Variants in UBR2 observed in about 807,000 individuals in gnomAD.
UBR2 encodes the protein E3 ubiquitin-protein ligase UBR2.
A neutral mutation model predicts 247.9 loss-of-function variants in UBR2; 92 were observed. That is an observed-to-expected ratio of 0.37 (90% CI 0.31 to 0.44). The LOEUF (loss-of-function observed/expected upper bound fraction) is 0.44, where lower values mean the gene tolerates loss of function less well. UBR2 is among the 20% of genes least tolerant of loss of function. UBR2 has a pLI of 1.00. For missense variants in UBR2, 1,613 were observed against 2,112.6 expected, an observed-to-expected ratio of 0.76 and a Z score of 4.64; for synonymous variants, 672 against 693.5, an observed-to-expected ratio of 0.97 and a Z score of 0.49.
intron 36 of UBR2, among the ~76,000 whole-genome samples, chr6:42,671,208 T>C (rs62414656): frequency 7.1e-6 from 1 of 141,006 alleles, no homozygotes; most frequent in Non-Finnish European, 1.5e-5. Context: ...AAAAAAAAAT[T>C]GCAGCCTGGC....
intron 33 of UBR2, among the ~76,000 whole-genome samples, 188 bp downstream of exon 33, chr6:42,665,700 A>C (rs62414653): frequency 6.6e-6 from 1 of 152,074 alleles, no homozygotes. Flanking sequence ...ACACAAGCTC[A>C]TGTGAAGTTT....
intron 25 of UBR2, among the ~76,000 whole-genome samples, chr6:42,653,706 C>T (rs1391487618): frequency 6.7e-6 from 1 of 150,024 alleles, no homozygotes; most frequent in Non-Finnish European, 1.5e-5. Flanking sequence ...ACTTCTGCCT[C>T]CCGGGTTCAA....
At chr6:42,647,417 TAAAAAAAA>T (rs750938791) in intron 21 of UBR2, among the ~76,000 whole-genome samples, 5 of 102,168 alleles carry the variant, frequency 4.9e-5, no homozygotes, top group African/African-American at 7.2e-5. Flanking sequence ...CCATCGCTAC[TAAAAAAAA>T]AAAAAAAAAA....
chr6:42,647,417 TAAAAAAAAAAAA>T (rs750938791), intron 21 of UBR2, among the ~76,000 whole-genome samples: 1,231 of 102,170 alleles, frequency 0.012, 10 homozygotes, highest in Middle Eastern at 0.078. Flanking sequence ...CCATCGCTAC[TAAAAAAAAAAAA>T]AAAAAAAAAA....
Position 42,627,339 on chromosome 6 carries a change from G to C in UBR2, c.1282-5213G>C, listed in dbSNP as rs561187555. Among the ~76,000 whole-genome samples, 6 of 152,244 alleles carry C rather than the reference G, an allele frequency of 3.9e-5. No homozygotes were observed. In the South Asian group the frequency reaches 1.0e-3, roughly 26 times the overall value. On this transcript the variant is annotated intron_variant, in intron 11 of 46. Transcript: ENST00000372901. ...AGTAATGTTATCTGTAGGAGCAAGT[G>C]GGGGAGGTTAGTGATATTGTGGCCT... is the stretch of plus-strand genomic sequence containing the variant.
intron 34 of UBR2, among the ~76,000 whole-genome samples, chr6:42,667,587 C>CTTTTTTTTTTTTTT (rs1161068427): frequency 2.1e-4 from 10 of 47,418 alleles, no homozygotes; most frequent in South Asian, 1.4e-3. Flanking sequence ...ACAGTTTTGT[C>CTTTTTTTTTTTTTT]TTTTTTTTTT....
rs1799792012 is a variant in UBR2, at chr6:42,692,378, T to C, written c.*1205T>C. 1 of 152,194 alleles carries C rather than the reference T, an allele frequency of 6.6e-6. No homozygotes were observed. The highest frequency in any genetic ancestry group is 2.1e-4 in the South Asian group (1 of 4,828). 9.4% of individuals were successfully genotyped at this position (152,194 alleles called of 1,614,324 possible). On this transcript the variant is annotated 3_prime_UTR_variant, in exon 47 of 47. Transcript: ENST00000372901. ...GATGGTCTGGCACCCAGGCTTTTTA[T>C]TCTTTTTGATCATTGTTCTTACTGA... is the stretch of plus-strand genomic sequence containing the variant.
intron 2 of UBR2, among the ~76,000 whole-genome samples, chr6:42,580,916 C>G (rs1430643515): frequency 6.6e-6 from 1 of 151,604 alleles, no homozygotes; most frequent in Admixed American, 6.6e-5. Context: ...TCCTGTCTCA[C>G]TAGAAATTTC....
At chr6:42,671,734 CCT>C (rs1484091112) in intron 36 of UBR2, among the ~76,000 whole-genome samples, 1 of 152,146 alleles carries the variant, frequency 6.6e-6, no homozygotes. Context: ...GTGGCTCCTG[CCT>C]CTCAGCCCAC....
chr6:42,649,071 G>T (rs1397645581), intron 22 of UBR2, among the ~76,000 whole-genome samples: 2 of 152,020 alleles, frequency 1.3e-5, no homozygotes, highest in Non-Finnish European at 2.9e-5. Flanking sequence ...GCAGTGGCAC[G>T]GTCTTGGCTC....
chr6:42,620,035 A>G (rs1794875120), intron 11 of UBR2: 1 of 942,598 alleles, frequency 1.1e-6, no homozygotes, highest in Non-Finnish European at 1.3e-6. Flanking sequence ...TGTCCATCTT[A>G]TATCTGTCTG....
At chr6:42,586,701 A>G (rs1233727622) in intron 2 of UBR2, among the ~76,000 whole-genome samples, 1 of 151,716 alleles carries the variant, frequency 6.6e-6, no homozygotes. Context: ...TATAATATGC[A>G]TCTTTAATTT....
intron 2 of UBR2, among the ~76,000 whole-genome samples, chr6:42,578,741 G>A (rs942892317): frequency 1.3e-5 from 2 of 152,052 alleles, no homozygotes; most frequent in Non-Finnish European, 2.9e-5. Flanking sequence ...GTATTTCCAT[G>A]AAGAGGGGTT....
chr6:42,572,015 A>G (rs952732893), intron 1 of UBR2, among the ~76,000 whole-genome samples: 3 of 151,992 alleles, frequency 2.0e-5, no homozygotes, highest in Admixed American at 1.3e-4. Flanking sequence ...AGCCTGTAGG[A>G]TTGTCTCCTA....
chr6:42,658,455 A>G (rs1460994291), intron 28 of UBR2, 135 bp downstream of exon 28: 5 of 1,112,014 alleles, frequency 4.5e-6, no homozygotes, highest in Non-Finnish European at 6.3e-6. Flanking sequence ...ATTTATCTCT[A>G]TTTGTTGTAG....
intron 10 of UBR2, 65 bp downstream of exon 10, chr6:42,616,155 A>G (rs1252506041): frequency 3.6e-6 from 4 of 1,119,792 alleles, no homozygotes; most frequent in Non-Finnish European, 5.0e-6. Flanking sequence ...AATTATATCT[A>G]GGCTTCAAAA....
Position 42,689,708 on chromosome 6 carries a change from C to A in UBR2, c.5126+38C>A. 1 of 1,559,326 alleles carries A rather than the reference C, an allele frequency of 6.4e-7. No homozygotes were observed. The highest frequency in any genetic ancestry group is 8.8e-7 in the Non-Finnish European group (1 of 1,132,408). ...CCTGAGTTAGCTAACTCAGGGCCTG[C>A]AGCGCCCTTCCGTATGTGGTGACGT... is the stretch of plus-strand genomic sequence containing the variant. On this transcript the variant is annotated intron_variant, in intron 46 of 46. Coordinates refer to ENST00000372901, the MANE Select transcript of UBR2 (RefSeq NM_001363705.2). The surrounding 1 kb of genome is among the most constrained non-coding windows in gnomAD (Gnocchi z 4.0).
chr6:42,648,831 A>G (rs1796933641), intron 22 of UBR2, among the ~76,000 whole-genome samples: 1 of 152,070 alleles, frequency 6.6e-6, no homozygotes, highest in South Asian at 2.1e-4. Flanking sequence ...TTTTTTTTCT[A>G]TACTTGGAAC....
chr6:42,642,599 C>T, intron 18 of UBR2, 118 bp downstream of exon 18: 1 of 752,318 alleles, frequency 1.3e-6, no homozygotes, highest in South Asian at 1.7e-5. Context: ...CTAGCCCTGT[C>T]TCCTCAGCTC....
Sources: allele counts gnomAD v4.1 joint callset (sites outside exome capture counted in the v4.1 genomes callset), GRCh38; gene constraint gnomAD v4.1.1; non-coding constraint Gnocchi (gnomAD v3.1); transcripts MANE v1.5; gene names NCBI Gene and HGNC (gene_info 2026-07-23, HGNC 2026-07-21).